Variants in DLGAP1 observed in about 807,000 individuals in gnomAD.
DLGAP1 encodes the protein disks large-associated protein 1.
DLGAP1 carries 11 observed loss-of-function variants against 90.8 expected under a neutral mutation model. The ratio of observed to expected loss-of-function variants is 0.12; its 90% CI spans 0.08 to 0.20. The LOEUF (loss-of-function observed/expected upper bound fraction) is 0.20. Among genes scored for constraint, DLGAP1 ranks in the 10% least tolerant of loss-of-function variants. DLGAP1 has a pLI of 1.00. For missense variants in DLGAP1, 1,050 were observed against 1,333.8 expected (o/e 0.79, Z 3.31); for synonymous variants, 558 against 540.7 (o/e 1.03, Z -0.44).
intron 7 of DLGAP1, among the ~76,000 whole-genome samples, chr18:3,664,183 T>TACACACAC (rs35653599): frequency 3.4e-4 from 46 of 135,742 alleles, no homozygotes; most frequent in Middle Eastern, 3.7e-3. Context: ...TGGGTCAGTA[T>TACACACAC]ACACACACAC....
At chr18:4,186,727 CT>C (rs753150199) in intron 1 of DLGAP1, among the ~76,000 whole-genome samples, 5 of 152,038 alleles carry the variant, frequency 3.3e-5, no homozygotes, top group Non-Finnish European at 5.9e-5. Context: ...CAGCTTTGTT[CT>C]TTTTGCTTAG....
chr18:3,992,547 G>A (rs775355507), intron 3 of DLGAP1, among the ~76,000 whole-genome samples: 1 of 152,090 alleles, frequency 6.6e-6, no homozygotes, highest in Non-Finnish European at 1.5e-5. Context: ...GTGTGGTGGT[G>A]CACAACTGTG....
At chr18:3,999,918 T>G (rs2074147238) in intron 3 of DLGAP1, among the ~76,000 whole-genome samples, 1 of 152,198 alleles carries the variant, frequency 6.6e-6, no homozygotes, top group South Asian at 2.1e-4. Context: ...CTCAAGGGAT[T>G]GTCCTGCCTC....
intron 10 of DLGAP1, among the ~76,000 whole-genome samples, chr18:3,521,946 G>C (rs547876654): frequency 1.6e-4 from 25 of 152,228 alleles, no homozygotes; most frequent in South Asian, 6.2e-4. Context: ...TGACTAATTA[G>C]CTGATATAGT....
chr18:3,750,585 C>A (rs1213904634), intron 5 of DLGAP1, among the ~76,000 whole-genome samples: 1 of 152,192 alleles, frequency 6.6e-6, no homozygotes, highest in Non-Finnish European at 1.5e-5. Flanking sequence ...CCAGGCTTCA[C>A]CTTGGTTCTC....
intron 1 of DLGAP1, among the ~76,000 whole-genome samples, chr18:4,262,083 T>A (rs1018316567): frequency 7.2e-5 from 11 of 152,234 alleles, no homozygotes; most frequent in African/African-American, 2.7e-4. Flanking sequence ...TTCTATAGTC[T>A]CAACTACTTA....
At chr18:3,866,859 T>C (rs2070417487) in intron 4 of DLGAP1, among the ~76,000 whole-genome samples, 1 of 152,214 alleles carries the variant, frequency 6.6e-6, no homozygotes, top group Non-Finnish European at 1.5e-5. Context: ...TTTATTTATA[T>C]ATATTTTTTG....
At chr18:3,585,967 T>C (rs763834394) in intron 7 of DLGAP1, among the ~76,000 whole-genome samples, 1 of 152,124 alleles carries the variant, frequency 6.6e-6, no homozygotes, top group African/African-American at 2.4e-5. Flanking sequence ...GAGCCTCCAG[T>C]GCGGCTCCTA....
At chr18:3,731,834 T>C (rs1042232335) in intron 6 of DLGAP1, among the ~76,000 whole-genome samples, 2 of 152,168 alleles carry the variant, frequency 1.3e-5, no homozygotes, top group African/African-American at 4.8e-5. Context: ...GCAAACATCC[T>C]GGAACCACTA....
intron 7 of DLGAP1, among the ~76,000 whole-genome samples, chr18:3,671,756 A>G (rs1164366294): frequency 6.6e-6 from 1 of 152,254 alleles, no homozygotes; most frequent in African/African-American, 2.4e-5. Flanking sequence ...GTCTTGATGA[A>G]GTAATTCCAT....
chr18:3,819,411 G>A (rs1031907459), intron 4 of DLGAP1, among the ~76,000 whole-genome samples: 2 of 152,064 alleles, frequency 1.3e-5, no homozygotes, highest in African/African-American at 2.4e-5. Flanking sequence ...ATGCTAAAAC[G>A]TGTAAACTAT....
chr18:4,323,875 T>G (rs1270244047), intron 1 of DLGAP1, among the ~76,000 whole-genome samples: 1 of 152,134 alleles, frequency 6.6e-6, no homozygotes, highest in Non-Finnish European at 1.5e-5. Flanking sequence ...GCTAAGGCAG[T>G]GTTAACAACG....
At chr18:3,928,301 C>G (rs1027726191) in intron 3 of DLGAP1, among the ~76,000 whole-genome samples, 7 of 152,156 alleles carry the variant, frequency 4.6e-5, no homozygotes, top group Non-Finnish European at 1.0e-4. Flanking sequence ...GAGTTGTTGC[C>G]ATGTTGATGC....
At chr18:4,279,963 T>TTG (rs2079511721) in intron 1 of DLGAP1, among the ~76,000 whole-genome samples, 1 of 152,218 alleles carries the variant, frequency 6.6e-6, no homozygotes, top group Non-Finnish European at 1.5e-5. Context: ...AATCATAGTG[T>TTG]ACCCAATTTA....
chr18:3,590,845 G>A (rs1335423597), intron 7 of DLGAP1, among the ~76,000 whole-genome samples: 1 of 151,724 alleles, frequency 6.6e-6, no homozygotes, highest in East Asian at 1.9e-4. Context: ...TTGCACTCCA[G>A]CCTGGGCAAC....
intron 4 of DLGAP1, among the ~76,000 whole-genome samples, chr18:3,857,937 G>A (rs940078729): frequency 1.3e-5 from 2 of 151,978 alleles, no homozygotes; most frequent in Non-Finnish European, 2.9e-5. Context: ...CAGTAGAAAG[G>A]TGTGTTTACT....
At chr18:3,936,283 G>A (rs1376164050) in intron 3 of DLGAP1, among the ~76,000 whole-genome samples, 1 of 152,208 alleles carries the variant, frequency 6.6e-6, no homozygotes, top group Non-Finnish European at 1.5e-5. Flanking sequence ...AGTGATCAAG[G>A]CCTTCATCAC....
chr18:4,152,330 A>AT (rs1568423338), intron 1 of DLGAP1, among the ~76,000 whole-genome samples: 1 of 152,286 alleles, frequency 6.6e-6, no homozygotes, highest in Admixed American at 6.5e-5. Flanking sequence ...TATAATTTGT[A>AT]TTTTTTTAAC....
At chr18:3,548,496 G>A (rs1157724675) in intron 9 of DLGAP1, among the ~76,000 whole-genome samples, 1 of 151,450 alleles carries the variant, frequency 6.6e-6, no homozygotes, top group Non-Finnish European at 1.5e-5. Context: ...CGGGCACAGT[G>A]GCTCATGCCC....
Sources: gnomAD v4.1 joint callset for allele counts (sites outside exome capture counted in the v4.1 genomes callset) on GRCh38, gnomAD v4.1.1 for gene constraint, MANE v1.5 for transcripts, NCBI Gene and HGNC (gene_info 2026-07-23, HGNC 2026-07-21) for gene names.